The following DPP6 variants were observed in gnomAD, a reference collection of about 807,000 sequenced individuals.
DPP6 encodes the protein A-type potassium channel modulatory protein DPP6.
A neutral mutation model predicts 122.6 loss-of-function variants in DPP6; 69 were observed. That is an observed-to-expected ratio of 0.56 (90% confidence interval 0.46 to 0.69). The LOEUF (loss-of-function observed/expected upper bound fraction) is 0.69. Ranked by LOEUF, DPP6 falls within the 30% of genes least tolerant of loss-of-function variation. The pLI, the probability that DPP6 is intolerant of heterozygous loss-of-function variation, is 0.00. For missense variants in DPP6, 928 were observed against 1,116.9 expected (o/e 0.83, Z 2.41); for synonymous variants, 418 against 433.1 (o/e 0.97, Z 0.43).
chr7:154,557,382 G>A (rs1830121699), intron 4 of DPP6, among the ~76,000 whole-genome samples: 1 of 152,138 alleles, frequency 6.6e-6, no homozygotes, highest in African/African-American at 2.4e-5. Flanking sequence ...TGTAAAAGTT[G>A]CATTCTTTGC....
At chr7:154,181,923 A>G (rs1040927602) in intron 1 of DPP6, among the ~76,000 whole-genome samples, 6 of 151,820 alleles carry the variant, frequency 4.0e-5, no homozygotes, top group African/African-American at 1.5e-4. Context: ...TAATTTTTTT[A>G]TTTTTAGTAG....
At chr7:154,459,805 C>CAAAAAAAAAAAAAAA (rs775605275) in intron 2 of DPP6, among the ~76,000 whole-genome samples, 7 of 63,066 alleles carry the variant, frequency 1.1e-4, no homozygotes, top group East Asian at 4.3e-4. Context: ...GATTCCATCT[C>CAAAAAAAAAAAAAAA]AAAAAAAAAA....
intron 1 of DPP6, among the ~76,000 whole-genome samples, chr7:154,298,824 A>G (rs1805714032): frequency 6.6e-6 from 1 of 152,154 alleles, no homozygotes; most frequent in African/African-American, 2.4e-5. Context: ...ACTTTGGACC[A>G]AGTTCACTCT....
chr7:153,868,506 G>A, the DPP6 span, among the ~76,000 whole-genome samples: 2 of 151,934 alleles, frequency 1.3e-5, no homozygotes, highest in Non-Finnish European at 1.5e-5. Flanking sequence ...TATAACCTTT[G>A]TCATTTTTTA....
intron 1 of DPP6, among the ~76,000 whole-genome samples, chr7:154,017,734 A>G (rs1798496138): frequency 6.7e-6 from 1 of 150,032 alleles, no homozygotes; most frequent in South Asian, 2.1e-4. Context: ...AAATAAAAAA[A>G]AAAAAAAGAA....
chr7:153,910,641 G>A (rs544483162), intron 1 of DPP6, among the ~76,000 whole-genome samples: 1 of 152,150 alleles, frequency 6.6e-6, no homozygotes, highest in African/African-American at 2.4e-5. Context: ...CACCTCTCAC[G>A]TGCCTAATGG....
At chr7:154,513,782 T>C (rs55820596) in intron 3 of DPP6, among the ~76,000 whole-genome samples, 1 of 152,072 alleles carries the variant, frequency 6.6e-6, no homozygotes, top group African/African-American at 2.4e-5. Context: ...AGAGTCATCC[T>C]AGGAACAACT....
chr7:153,903,793 G>C (rs1799736432), intron 1 of DPP6, among the ~76,000 whole-genome samples: 1 of 152,102 alleles, frequency 6.6e-6, no homozygotes, highest in South Asian at 2.1e-4. Flanking sequence ...GTTGGATTTA[G>C]GTTCCATGAT....
At chr7:154,181,181 G>C (rs775220482) in intron 1 of DPP6, among the ~76,000 whole-genome samples, 1 of 152,150 alleles carries the variant, frequency 6.6e-6, no homozygotes, top group African/African-American at 2.4e-5. Context: ...CCAAACACAA[G>C]AGCATGCCCC....
At chr7:154,554,221 A>G (rs963040162) in intron 4 of DPP6, among the ~76,000 whole-genome samples, 1 of 152,190 alleles carries the variant, frequency 6.6e-6, no homozygotes, top group Non-Finnish European at 1.5e-5. Flanking sequence ...CTCATTGACC[A>G]GGAAGGGAGA....
chr7:153,793,255 G>A, the DPP6 span, among the ~76,000 whole-genome samples: 2 of 151,926 alleles, frequency 1.3e-5, no homozygotes, highest in Non-Finnish European at 2.9e-5. Flanking sequence ...GAATGGCTTT[G>A]ACCAAAAGCC....
chr7:153,915,156 A>G (rs1305207053), intron 1 of DPP6, among the ~76,000 whole-genome samples: 3 of 152,182 alleles, frequency 2.0e-5, no homozygotes, highest in Non-Finnish European at 2.9e-5. Context: ...TGGCCCTATG[A>G]TTTCAGTTCC....
chr7:154,891,364 G>A (rs572300524), intron 25 of DPP6: 1 of 152,312 alleles, frequency 6.6e-6, no homozygotes, highest in Admixed American at 6.5e-5. Context: ...TTGGCATCTG[G>A]GACCGAATGA....
intron 1 of DPP6, among the ~76,000 whole-genome samples, chr7:153,902,437 T>G (rs77970255): frequency 0.032 from 4,848 of 152,226 alleles, 232 homozygotes; most frequent in African/African-American, 0.11. Flanking sequence ...GTTTGCATTT[T>G]AAAAAGATGG....
At chr7:154,271,617 G>C (rs1295936853) in intron 1 of DPP6, among the ~76,000 whole-genome samples, 1 of 152,130 alleles carries the variant, frequency 6.6e-6, no homozygotes, top group East Asian at 1.9e-4. Flanking sequence ...TACCTGCTCA[G>C]TGGGACCAGC....
intron 1 of DPP6, among the ~76,000 whole-genome samples, chr7:153,993,883 A>G (rs1363367414): frequency 7.2e-5 from 11 of 152,126 alleles, no homozygotes; most frequent in South Asian, 6.2e-4. Flanking sequence ...GTATGCCCCA[A>G]TTCTGGCCAA....
intron 1 of DPP6, among the ~76,000 whole-genome samples, chr7:154,065,861 G>T (rs563145411): frequency 6.6e-4 from 101 of 152,074 alleles, no homozygotes; most frequent in African/African-American, 2.4e-3. Context: ...TGACTGGCCT[G>T]CATGAGGGCT....
intron 1 of DPP6, among the ~76,000 whole-genome samples, chr7:154,339,866 A>G (rs1809771523): frequency 6.6e-6 from 1 of 152,138 alleles, no homozygotes; most frequent in Admixed American, 6.6e-5. Context: ...CGAGGTCAGG[A>G]GTTCAAAACC....
In DPP6 at chr7:154,461,662, T is replaced by A. The variant is rs186494958; in HGVS notation, c.359-13277T>A. Among the ~76,000 whole-genome samples the A allele has an allele frequency of 3.4e-3, 511 of 152,352 alleles. 4 individuals are homozygous for A. Among genetic ancestry groups the A allele is most frequent in the African/African-American group, 0.012 (494 of 41,578 alleles). ...CATATACCTGTTTACCATTTGTATG[T>A]CTTCTTTTGAGAAATGTCTACTCAG... On this transcript the variant is annotated intron_variant, in intron 2 of 25. Coordinates refer to ENST00000377770, the MANE Select transcript of DPP6 (RefSeq NM_130797.4).
Sources: gnomAD v4.1 joint callset for allele counts (sites outside exome capture counted in the v4.1 genomes callset) on GRCh38, gnomAD v4.1.1 for gene constraint, MANE v1.5 for transcripts, NCBI Gene and HGNC (gene_info 2026-07-23, HGNC 2026-07-21) for gene names.